The following SNTG2 variants were observed in gnomAD, a reference collection of about 807,000 sequenced individuals.
SNTG2 encodes the protein gamma-2-syntrophin.
Under a neutral mutation model 70.9 loss-of-function variants are expected in SNTG2, and 74 were observed. That is an observed-to-expected ratio of 1.04 (90% CI 0.86 to 1.27). The LOEUF (loss-of-function observed/expected upper bound fraction) is 1.27, where lower values mean the gene tolerates loss of function less well. Among genes scored for constraint, SNTG2 ranks in the 50% most tolerant of loss-of-function variants. The probability of loss-of-function intolerance (pLI) is 0.00; values close to 1 mark genes in which losing one functional copy is unlikely to be tolerated. For missense variants in SNTG2, 717 were observed against 690.7 expected, an observed-to-expected ratio of 1.04 and a Z score of -0.43; for synonymous variants, 278 against 273.8, an observed-to-expected ratio of 1.02 and a Z score of -0.15.
chr2:1,017,730 C>G (rs1659950655), intron 1 of SNTG2, among the ~76,000 whole-genome samples: 1 of 152,166 alleles, frequency 6.6e-6, no homozygotes, highest in African/African-American at 2.4e-5. Context: ...TTTTAATTTA[C>G]TTGGTTTCTG....
intron 16 of SNTG2, among the ~76,000 whole-genome samples, chr2:1,337,135 A>G (rs1659857682): frequency 6.6e-6 from 1 of 152,322 alleles, no homozygotes; most frequent in East Asian, 1.9e-4. Context: ...GCTCTTGTGA[A>G]TAATGCTACT....
At chr2:1,189,164 AG>A (rs1339616854) in intron 8 of SNTG2, among the ~76,000 whole-genome samples, 1 of 151,874 alleles carries the variant, frequency 6.6e-6, no homozygotes, top group African/African-American at 2.4e-5. Context: ...AAAAATAGAA[AG>A]CGTAATAAAA....
At chr2:1,104,105 GTT>G (rs1054444829) in intron 4 of SNTG2, among the ~76,000 whole-genome samples, 4 of 152,212 alleles carry the variant, frequency 2.6e-5, no homozygotes, top group African/African-American at 7.2e-5. Flanking sequence ...ATGTTAAAGA[GTT>G]TGCACAGGGA....
chr2:1,365,087 G>T (rs1233283546), intron 16 of SNTG2, among the ~76,000 whole-genome samples: 1 of 150,778 alleles, frequency 6.6e-6, no homozygotes, highest in Non-Finnish European at 1.5e-5. Flanking sequence ...AAGCTACTTG[G>T]TTTTTTTTTT....
chr2:1,334,997 A>G (rs1448091749), intron 16 of SNTG2, among the ~76,000 whole-genome samples: 2 of 152,222 alleles, frequency 1.3e-5, no homozygotes, highest in Admixed American at 1.3e-4. Flanking sequence ...AGACTACAGA[A>G]AAGTGAATTG....
intron 1 of SNTG2, among the ~76,000 whole-genome samples, chr2:954,165 T>C (rs1223825440): frequency 6.6e-6 from 1 of 152,142 alleles, no homozygotes; most frequent in African/African-American, 2.4e-5. Flanking sequence ...GCTCCTGCGC[T>C]GCTGGGCATG....
chr2:1,057,337 A>C (rs1662530196), intron 1 of SNTG2, among the ~76,000 whole-genome samples: 1 of 152,052 alleles, frequency 6.6e-6, no homozygotes, highest in African/African-American at 2.4e-5. Context: ...TGTATTAGTC[A>C]GGGTTCTCCA....
intron 1 of SNTG2, among the ~76,000 whole-genome samples, chr2:1,062,893 C>T (rs1289240940): frequency 2.0e-5 from 3 of 152,142 alleles, no homozygotes; most frequent in African/African-American, 4.8e-5. Context: ...CATATATATA[C>T]ATATACACAC....
At chr2:1,004,551 A>T (rs1045106348) in intron 1 of SNTG2, among the ~76,000 whole-genome samples, 16 of 152,002 alleles carry the variant, frequency 1.1e-4, no homozygotes, top group African/African-American at 3.9e-4. Flanking sequence ...ATGGCAGATA[A>T]GCATATGAGG....
Position 1,209,194 on chromosome 2 carries a change from G to T in SNTG2, c.683G>T (p.Arg228Leu). 3 of 1,613,950 alleles carry T rather than the reference G, an allele frequency of 1.9e-6. No homozygotes were observed. The highest frequency in any genetic ancestry group is 2.5e-6 in the Non-Finnish European group (3 of 1,179,886). Residue 228 changes from arginine (R) to leucine (L), a missense_variant, in exon 9 of 17, where the codon CGC (arginine) becomes CTC (leucine). Coordinates refer to ENST00000308624, the MANE Select transcript of SNTG2 (RefSeq NM_018968.4). ...DTLSVPLSMA[R>L]ISRYKAGTEK... is the part of the protein sequence containing the mutation. ...TTGTCCGTGCCTCTGTCCATGGCTC[G>T]CATCTCAAGGTACAAAGCCGGAACG...
chr2:1,274,419 T>G (rs1329390386), intron 14 of SNTG2, among the ~76,000 whole-genome samples: 5 of 152,260 alleles, frequency 3.3e-5, no homozygotes, highest in African/African-American at 1.2e-4. Context: ...AATGAATTAT[T>G]GGCATATGCA....
chr2:975,478 T>C (rs1171967457), intron 1 of SNTG2, among the ~76,000 whole-genome samples: 1 of 152,228 alleles, frequency 6.6e-6, no homozygotes, highest in African/African-American at 2.4e-5. Context: ...CTTAGGAGAT[T>C]TGCAGGAGAA....
At chr2:1,140,091 C>A (rs1572542946) in intron 6 of SNTG2, among the ~76,000 whole-genome samples, 1 of 152,252 alleles carries the variant, frequency 6.6e-6, no homozygotes, top group Middle Eastern at 3.4e-3. Context: ...CCTCATTTTT[C>A]AGAGTAAATT....
intron 7 of SNTG2, among the ~76,000 whole-genome samples, chr2:1,166,256 C>T (rs888460584): frequency 1.6e-4 from 24 of 152,270 alleles, no homozygotes; most frequent in Admixed American, 7.8e-4. Context: ...TGTGGGTAAT[C>T]GGGAAAGGCC....
intron 1 of SNTG2, among the ~76,000 whole-genome samples, chr2:990,183 A>T (rs965218580): frequency 5.3e-5 from 8 of 152,192 alleles, no homozygotes; most frequent in African/African-American, 1.9e-4. Flanking sequence ...CTGCCATCAG[A>T]GGGGCTGGAC....
intron 4 of SNTG2, among the ~76,000 whole-genome samples, chr2:1,106,181 ATG>A (rs1666132615): frequency 1.8e-5 from 1 of 56,342 alleles, no homozygotes. Context: ...TAGTGGACAC[ATG>A]CTGTCACTCG....
chr2:1,070,760 G>A (rs1663479431), intron 1 of SNTG2, among the ~76,000 whole-genome samples: 1 of 152,226 alleles, frequency 6.6e-6, no homozygotes, highest in Non-Finnish European at 1.5e-5. Flanking sequence ...TGAGCCTCTA[G>A]TAACTGGATT....
At chr2:1,323,642 C>G (rs1378313471) in intron 16 of SNTG2, among the ~76,000 whole-genome samples, 1 of 151,444 alleles carries the variant, frequency 6.6e-6, no homozygotes, top group Non-Finnish European at 1.5e-5. Flanking sequence ...CTAAGACCCC[C>G]CAGTAGACTG....
intron 9 of SNTG2, among the ~76,000 whole-genome samples, chr2:1,221,696 CT>C (rs1300293672): frequency 0.5 from 4 of 8 alleles, 2 homozygotes; most frequent in African/African-American, 1. Flanking sequence ...TCTCTCGGTT[CT>C]TCTCGGTCTC....
Sources: allele counts gnomAD v4.1 joint callset (sites outside exome capture counted in the v4.1 genomes callset), GRCh38; gene constraint gnomAD v4.1.1; transcripts MANE v1.5; gene names NCBI Gene and HGNC (gene_info 2026-07-23, HGNC 2026-07-21).